Variants in ATR observed in about 807,000 individuals in gnomAD.
The protein encoded by ATR is serine/threonine-protein kinase ATR.
In ATR, 142 loss-of-function variants were observed where a neutral mutation model predicts 305.3. That is an observed-to-expected ratio of 0.47 (90% CI 0.41 to 0.53). The LOEUF is 0.53. ATR is among the 20% of genes least tolerant of loss of function. ATR has a pLI of 0.00. For synonymous variants in ATR, 1,050 were observed against 1,068.1 expected, an observed-to-expected ratio of 0.98 and a Z score of 0.33; for missense variants, 2,135 against 3,133.1, an observed-to-expected ratio of 0.68 and a Z score of 7.60.
chr3:142,493,738 C>T (rs1222609282), intron 34 of ATR, among the ~76,000 whole-genome samples: 2 of 151,768 alleles, frequency 1.3e-5, no homozygotes, highest in Non-Finnish European at 2.9e-5. Flanking sequence ...TGTAGTGGCT[C>T]ATGCCTATAA....
intron 31 of ATR, among the ~76,000 whole-genome samples, 169 bp downstream of exon 31, chr3:142,499,458 C>T (rs188636304): frequency 1.3e-5 from 2 of 152,164 alleles, no homozygotes; most frequent in African/African-American, 4.8e-5. Flanking sequence ...CCACGCCCAG[C>T]TAATTTTTTG....
chr3:142,481,408 G>A (rs1237987302), intron 36 of ATR, among the ~76,000 whole-genome samples: 1 of 152,132 alleles, frequency 6.6e-6, no homozygotes, highest in African/African-American at 2.4e-5. Context: ...ATTCCACTTG[G>A]TCATGGTGAA....
chr3:142,470,684 A>G (rs576456050), intron 36 of ATR, among the ~76,000 whole-genome samples: 1 of 152,236 alleles, frequency 6.6e-6, no homozygotes, highest in African/African-American at 2.4e-5. Context: ...ACATATTAAA[A>G]CTATATAAAT....
rs1478622574 is a variant in ATR at position 142,561,406 on chromosome 3, G to A, written c.1186C>T (p.Leu396Phe). 6.2e-7 allele frequency: 1 copy of A among 1,613,938 alleles called. No individual in the cohort carries two copies. The stretch of plus-strand genomic sequence containing the variant: ...CTTTCCATTTTCAAAGCTGCATAAA[G>A]TGGGCCCAACAAGTACTGAGAAAAT... ...EVDAEYLLGP[L>F]YAALKMESME... The change falls in exon 5 of 47, where the codon CTT becomes TTT. Residue 396 changes from leucine to phenylalanine, a missense_variant. By Grantham distance (22) the Leu-to-Phe change is conservative. This residue lies in a region of ATR where 744 missense variants were observed against 873.2 expected (regional missense o/e 0.85). Transcript: ENST00000350721.
chr3:142,551,166 C>T (rs1209454817), intron 13 of ATR, among the ~76,000 whole-genome samples: 1 of 152,190 alleles, frequency 6.6e-6, no homozygotes, highest in Non-Finnish European at 1.5e-5. Flanking sequence ...AATCCCAGCA[C>T]TTTCAGAGGC....
chr3:142,506,635 C>T lies in ATR; in HGVS notation c.5031+1296G>A, dbSNP rs150371872. Among the ~76,000 whole-genome samples, 1,351 of 152,084 alleles carry T rather than the reference C, an allele frequency of 8.9e-3. 21 individuals are homozygous for T. The highest frequency in any genetic ancestry group is 0.031 in the African/African-American group (1,278 of 41,482). On this transcript the variant is annotated intron_variant, in intron 28 of 46. Transcript: ENST00000350721. ...CTGGGAGGTGGAGGTTGCAGTGAGC[C>T]GAGCTCGTGCCACTGTACTCCAGCC...
intron 20 of ATR, among the ~76,000 whole-genome samples, chr3:142,535,885 C>G (rs1207786457): frequency 6.6e-6 from 1 of 152,120 alleles, no homozygotes; most frequent in Non-Finnish European, 1.5e-5. Flanking sequence ...ATTTTTTGCT[C>G]TCTGTTCTAT....
chr3:142,514,008 G>A (rs921276328), intron 25 of ATR, among the ~76,000 whole-genome samples: 1 of 151,808 alleles, frequency 6.6e-6, no homozygotes, highest in African/African-American at 2.4e-5. Flanking sequence ...GGTGGCTCAC[G>A]CCTGTAATCC....
rs184600837 is a variant in ATR at position 142,483,852 on chromosome 3, A to G, written c.6221+1288T>C. 1.2e-4 allele frequency among the ~76,000 whole-genome samples: 18 copies of G among 149,894 alleles called. No individual in the cohort carries two copies. The East Asian group carries it at 2.7e-3, about 23-fold the overall frequency. ...TGTCTTAAAATAAATAAAATAAAAT[A>G]AAATGAAATAAAATAAAATAAAATA... On this transcript the variant is annotated intron_variant, in intron 36 of 46. Transcript: ENST00000350721.
chr3:142,538,448 GTTA>G (rs771733819), intron 19 of ATR, 31 bp downstream of exon 19: 18 of 1,591,718 alleles, frequency 1.1e-5, no homozygotes, highest in Middle Eastern at 1.7e-4. Context: ...AGTTTAAAAA[GTTA>G]TTATTTTACT....
intron 12 of ATR, 95 bp downstream of exon 12, chr3:142,553,545 T>C (rs2034556179): frequency 1.4e-6 from 2 of 1,449,710 alleles, no homozygotes; most frequent in South Asian, 2.4e-5. Context: ...GTCTATAATA[T>C]CACAAATATC....
At position 142,563,023 on chromosome 3, in the gene ATR, T is replaced by C. The variant is rs2108488719; in HGVS notation, c.379A>G (p.Ile127Val). 1 of 1,600,358 alleles carries C rather than the reference T, an allele frequency of 6.2e-7. No individual in the cohort carries two copies. Among genetic ancestry groups the C allele is most frequent in the East Asian group, 2.2e-5 (1 of 44,826 alleles). Residue 127 changes from isoleucine (I) to valine (V), a missense_variant, in exon 4 of 47, where the codon ATC becomes GTC. Physicochemically the swap from Ile to Val is conservative, Grantham distance 29. This residue lies in a region of ATR where 744 missense variants were observed against 873.2 expected (regional missense o/e 0.85). Coordinates refer to ENST00000350721, the MANE Select transcript of ATR (RefSeq NM_001184.4). ...TTAAAAAGAAATAATAATGAACAGATGACTTCACAGATTTTCTTGTGTAAC... is the reference window on the plus strand; with the variant it reads ...TTAAAAAGAAATAATAATGAACAGACGACTTCACAGATTTTCTTGTGTAAC... ...HLLHKKICEVICSLLFLFKSK... is the reference protein window; with the variant it reads ...HLLHKKICEVVCSLLFLFKSK...
At position 142,524,175 on chromosome 3, in the gene ATR, C is replaced by T; in HGVS notation, c.3970G>A (p.Asp1324Asn). Residue 1324 changes from aspartate (D) to asparagine (N), a missense_variant, in exon 22 of 47, where the codon GAC becomes AAC. This residue lies in a region of ATR where 530 missense variants were observed against 766.8 expected (regional missense o/e 0.69). Transcript: ENST00000350721. ...NQEKLIKYATDSETVEPIISQ... is the reference protein window; with the variant it reads ...NQEKLIKYATNSETVEPIISQ... ...ATAATAGGTTCTACTGTTTCACTGT[C>T]TGTTGCATACTTTATCAGTTTTTCC... 6.2e-7 allele frequency: 1 copy of T among 1,613,690 alleles called. No homozygotes were observed. Among genetic ancestry groups the T allele is most frequent in the Non-Finnish European group, 8.5e-7 (1 of 1,179,680 alleles).
At chr3:142,450,872 A>G (rs1359444436) in intron 46 of ATR, 17 of 1,319,550 alleles carry the variant, frequency 1.3e-5, no homozygotes, top group Non-Finnish European at 1.5e-5. Flanking sequence ...GACCAAGCAG[A>G]CAGATACCAA....
intron 13 of ATR, among the ~76,000 whole-genome samples, chr3:142,551,079 G>A (rs114193804): frequency 0.018 from 2,734 of 152,154 alleles, 29 homozygotes; most frequent in South Asian, 0.041. Flanking sequence ...GAGTCACCAC[G>A]CCCAGCCTTA....
intron 4 of ATR, among the ~76,000 whole-genome samples, chr3:142,561,716 A>G (rs1291624658): frequency 6.6e-6 from 1 of 152,200 alleles, no homozygotes; most frequent in Non-Finnish European, 1.5e-5. Context: ...GGAATTACCA[A>G]CTTTCTTCAT....
At chr3:142,486,914 G>C (rs939104477) in intron 35 of ATR, among the ~76,000 whole-genome samples, 116 of 129,006 alleles carry the variant, frequency 9.0e-4, no homozygotes, top group African/African-American at 3.2e-3. Flanking sequence ...AGGAGATTGA[G>C]ACCATCCTGG....
chr3:142,456,844 A>G lies in ATR; in HGVS notation c.7655+760T>C, dbSNP rs184026920. Among the ~76,000 whole-genome samples, 8 of 152,330 alleles carry G rather than the reference A, an allele frequency of 5.3e-5. No individual in the cohort carries two copies. The East Asian group carries it at 1.2e-3, about 22-fold the overall frequency. On this transcript the variant is annotated intron_variant, in intron 45 of 46. Coordinates refer to ENST00000350721, the MANE Select transcript of ATR (RefSeq NM_001184.4). ...TGCAGAGAAGTTGAAACCCACATAC[A>G]TTACTAGTGGGATTATAAAGTGTTA...
intron 24 of ATR, among the ~76,000 whole-genome samples, chr3:142,516,066 T>C (rs1370340864): frequency 6.6e-6 from 1 of 152,206 alleles, no homozygotes; most frequent in Non-Finnish European, 1.5e-5. Context: ...AGACATCTCA[T>C]TGTATGGTCA....
Sources: gnomAD v4.1 joint callset for allele counts (sites outside exome capture counted in the v4.1 genomes callset) on GRCh38, gnomAD v4.1.1 for gene constraint, gnomAD v4.1.1 regional missense constraint, MANE v1.5 for transcripts, NCBI Gene and HGNC (gene_info 2026-07-23, HGNC 2026-07-21) for gene names.